The following UNC45B variants were observed in gnomAD, a reference collection of about 807,000 sequenced individuals.
The protein encoded by UNC45B is unc-45 myosin chaperone B.
UNC45B carries 78 observed loss-of-function variants against 98.7 expected under a neutral mutation model. The ratio of observed to expected loss-of-function variants is 0.79; its 90% CI spans 0.66 to 0.95. The LOEUF (loss-of-function observed/expected upper bound fraction) is 0.95, where lower values mean the gene tolerates loss of function less well. UNC45B is among the 40% of genes least tolerant of loss of function. The pLI is 0.00. For missense variants in UNC45B, 1,225 were observed against 1,184.9 expected, an observed-to-expected ratio of 1.03 and a Z score of -0.50; for synonymous variants, 462 against 480.4, an observed-to-expected ratio of 0.96 and a Z score of 0.50.
chr17:35,166,410 T>G (rs566678228), intron 9 of UNC45B, among the ~76,000 whole-genome samples: 3 of 152,314 alleles, frequency 2.0e-5, no homozygotes, highest in African/African-American at 7.2e-5. Context: ...CAGTTTCAAC[T>G]TTTCCTGCTG....
chr17:35,149,783 C>A (rs1397911852), intron 3 of UNC45B, among the ~76,000 whole-genome samples: 1 of 152,116 alleles, frequency 6.6e-6, no homozygotes, highest in East Asian at 1.9e-4. Flanking sequence ...TTGGTTAAGC[C>A]CCTGGCAGGG....
chr17:35,183,442 T>C lies in UNC45B; in HGVS notation c.2389T>C (p.Leu797=), dbSNP rs2092285376. ...VLHKEVQERF[L]ADGNDRLKLV... ...CCTCCCACAGGTACAGGAAAGGTTC[T>C]TGGCTGACGGGAATGACCGGCTGAA... The change falls in exon 19 of 20, where the codon TTG becomes CTG. Residue 797 remains leucine, a synonymous_variant. Transcript: ENST00000394570. 3.1e-6 allele frequency: 5 copies of C among 1,591,562 alleles called. No homozygotes were observed. The highest frequency in any genetic ancestry group is 8.6e-7 in the Non-Finnish European group (1 of 1,168,886).
At chr17:35,157,496 C>T (rs116502694) in intron 7 of UNC45B, among the ~76,000 whole-genome samples, 1,537 of 152,302 alleles carry the variant, frequency 0.01, 37 homozygotes, top group African/African-American at 0.034. Flanking sequence ...GCCACCATAC[C>T]TGGCCACATT....
chr17:35,175,063 G>GAAAGAAAGAAAGAAAGAA (rs2092220374), intron 14 of UNC45B, among the ~76,000 whole-genome samples: 1 of 61,350 alleles, frequency 1.6e-5, no homozygotes, highest in African/African-American at 4.3e-5. Context: ...AAGGAAAGAA[G>GAAAGAAAGAAAGAAAGAA]AAAGAAAGAA....
chr17:35,171,454 C>T lies in UNC45B; in HGVS notation c.1822C>T (p.His608Tyr). 1 of 1,614,074 alleles carries T rather than the reference C, an allele frequency of 6.2e-7. No homozygotes were observed. The highest frequency in any genetic ancestry group is 8.5e-7 in the Non-Finnish European group (1 of 1,179,970). Residue 608 changes from histidine (H) to tyrosine (Y), a missense_variant, in exon 13 of 20, where the codon CAC becomes TAC. His to Tyr is a moderately conservative substitution (Grantham distance 83). Transcript: ENST00000394570. ...KFSKQHVPEE[H>Y]PKDKKDFIDM... ...CTCCAAGCAGCATGTGCCCGAGGAA[C>T]ACCCCAAGGTAGGGTCAGGCGCGAC... is the stretch of plus-strand genomic sequence containing the variant.
At chr17:35,164,309 G>A in intron 9 of UNC45B, 143 bp downstream of exon 9, 1 of 975,306 alleles carries the variant, frequency 1.0e-6, no homozygotes, top group Non-Finnish European at 1.4e-6. Context: ...TGGTTTGGCT[G>A]GGTGGCTCTG....
chr17:35,161,348 C>CTT (rs1332900087), intron 8 of UNC45B, among the ~76,000 whole-genome samples: 6 of 152,164 alleles, frequency 3.9e-5, no homozygotes, highest in Non-Finnish European at 8.8e-5. Context: ...GGTAAGGGAG[C>CTT]TGTCAGGATG....
intron 5 of UNC45B, 59 bp from the exon 6 acceptor site, chr17:35,154,515 G>T: frequency 6.5e-7 from 1 of 1,530,290 alleles, no homozygotes; most frequent in South Asian, 1.3e-5. Context: ...CTTGGCCCAT[G>T]GTCCAGGCCT....
intron 3 of UNC45B, 143 bp from the exon 4 acceptor site, chr17:35,149,905 G>A (rs1251754037): frequency 2.4e-6 from 2 of 840,128 alleles, no homozygotes; most frequent in Non-Finnish European, 3.5e-6. Context: ...GGGAGGTAAG[G>A]GCCAGAGAGT....
chr17:35,187,961 C>T lies in UNC45B; in HGVS notation c.*1402C>T, dbSNP rs118167387. The T allele has an allele frequency of 6.6e-5, 10 of 152,238 alleles. No homozygotes were observed. In the East Asian group the frequency reaches 1.5e-3, roughly 24 times the overall value. The allele number at this position is 152,238 out of a possible 1,614,324, so 9.4% of individuals were successfully genotyped here. On this transcript the variant is annotated 3_prime_UTR_variant, in exon 20 of 20. Coordinates refer to ENST00000394570, the MANE Select transcript of UNC45B (RefSeq NM_001267052.2). ...TTGATAAAAACAATTTACAACGTTC[C>T]GTTGTGTAATAAATGTAAGTGTACA...
intron 18 of UNC45B, among the ~76,000 whole-genome samples, chr17:35,181,145 G>T (rs755993848): frequency 6.6e-6 from 1 of 152,174 alleles, no homozygotes; most frequent in Non-Finnish European, 1.5e-5. Context: ...TGTTCCCATA[G>T]AAATTGCAAT....
Position 35,174,315 on chromosome 17 carries a change from T to A in UNC45B, c.1904T>A (p.Met635Lys), listed in dbSNP as rs752290131. 2.5e-6 allele frequency: 4 copies of A among 1,614,116 alleles called. No individual in the cohort carries two copies. Among genetic ancestry groups the A allele is most frequent in the Non-Finnish European group, 3.4e-6 (4 of 1,180,012 alleles). ...GGTGTCATCTCTGCCCTGGCTTGCATGGTGAAAGCAGATAGTGCCATCCTC... is the reference window on the plus strand; with the variant it reads ...GGTGTCATCTCTGCCCTGGCTTGCAAGGTGAAAGCAGATAGTGCCATCCTC... Reference protein sequence around the residue: ...KAGVISALACMVKADSAILTD... With the variant: ...KAGVISALACKVKADSAILTD... Residue 635 changes from methionine (M) to lysine (K), a missense_variant, in exon 14 of 20, where the codon ATG becomes AAG. Coordinates refer to ENST00000394570, the MANE Select transcript of UNC45B (RefSeq NM_001267052.2).
chr17:35,184,389 A>T (rs1294647198), intron 19 of UNC45B, among the ~76,000 whole-genome samples: 2 of 152,226 alleles, frequency 1.3e-5, no homozygotes, highest in African/African-American at 2.4e-5. Context: ...TTGTTAGAAC[A>T]GTTTCCCAAC....
In UNC45B at chr17:35,186,279, A is replaced by T; in HGVS notation, c.2530-20A>T. 1 of 1,612,072 alleles carries T rather than the reference A, an allele frequency of 6.2e-7. No individual in the cohort carries two copies. Among genetic ancestry groups the T allele is most frequent in the Non-Finnish European group, 8.5e-7 (1 of 1,179,336 alleles). On this transcript the variant is annotated intron_variant, in intron 19 of 19. Transcript: ENST00000394570. ...CACACTCAAACCTAGCACCTTCCTT[A>T]CCTTTTTCCCTGCCTCCAGACAACC...
At chr17:35,172,668 C>T (rs1197933076) in intron 13 of UNC45B, among the ~76,000 whole-genome samples, 5 of 152,278 alleles carry the variant, frequency 3.3e-5, no homozygotes, top group South Asian at 2.1e-4. Context: ...AGCCCCTTCC[C>T]CACCACTCCT....
intron 3 of UNC45B, 127 bp downstream of exon 3, chr17:35,149,136 G>A: frequency 1.8e-6 from 2 of 1,122,798 alleles, no homozygotes; most frequent in Non-Finnish European, 1.3e-6. Context: ...GAGAGAACAA[G>A]CTGGAGAAGG....
chr17:35,186,253 A>G, intron 19 of UNC45B, 46 bp from the exon 20 acceptor site: 1 of 1,600,672 alleles, frequency 6.2e-7, no homozygotes, highest in South Asian at 1.1e-5. Flanking sequence ...AACTCTGGGG[A>G]CACACTCAAA....
Position 35,171,349 on chromosome 17 carries a change from G to A in UNC45B, c.1717G>A (p.Val573Met), listed in dbSNP as rs766485333. The A allele has an allele frequency of 1.1e-5, 17 of 1,614,170 alleles. No homozygotes were observed. Among genetic ancestry groups the A allele is most frequent in the Non-Finnish European group, 1.4e-5 (17 of 1,180,020 alleles). Residue 573 changes from valine (V) to methionine (M), a missense_variant, in exon 13 of 20, where the codon GTG (valine) becomes ATG (methionine). Transcript: ENST00000394570. ...KTSDKTILYS[V>M]ATTLVNCTNS... ...CAGTGACAAGACCATCCTGTACTCG[G>A]TGGCCACCACCCTGGTGAACTGCAC...
chr17:35,174,829 G>T (rs1042335795), intron 14 of UNC45B, among the ~76,000 whole-genome samples: 2 of 146,386 alleles, frequency 1.4e-5, no homozygotes, highest in Non-Finnish European at 3.0e-5. Context: ...CTATACAAAA[G>T]AGAAATAAAG....
Sources: allele counts gnomAD v4.1 joint callset (sites outside exome capture counted in the v4.1 genomes callset), GRCh38; gene constraint gnomAD v4.1.1; transcripts MANE v1.5; gene names NCBI Gene and HGNC (gene_info 2026-07-23, HGNC 2026-07-21).